The following LMO7 variants were observed in gnomAD, a reference collection of about 807,000 sequenced individuals.
The protein encoded by LMO7 is LIM domain only protein 7.
Under a neutral mutation model 206.5 loss-of-function variants are expected in LMO7, and 120 were observed. The ratio of observed to expected loss-of-function variants is 0.58; its 90% CI spans 0.50 to 0.68. The LOEUF is 0.68. Among genes scored for constraint, LMO7 ranks in the 30% least tolerant of loss-of-function variants. LMO7 has a pLI of 0.00. For synonymous variants in LMO7, 706 were observed against 681.5 expected, an observed-to-expected ratio of 1.04 and a Z score of -0.56; for missense variants, 1,959 against 1,957.9, an observed-to-expected ratio of 1.00 and a Z score of -0.01.
intron 3 of LMO7, among the ~76,000 whole-genome samples, chr13:75,735,628 ATT>A (rs1163734759): frequency 1.4e-5 from 2 of 139,192 alleles, no homozygotes; most frequent in South Asian, 2.3e-4. Flanking sequence ...CACGCAGCTA[ATT>A]TTTTTTTTTT....
upstream of LMO7, among the ~76,000 whole-genome samples, chr13:75,632,862 G>GTTGTTTTTTTTTTTTTTTTTTTTTT (rs2099197047): frequency 2.0e-5 from 2 of 102,138 alleles, no homozygotes; most frequent in South Asian, 7.3e-4. Flanking sequence ...TTACTTAAAA[G>GTTGTTTTTTTTTTTTTTTTTTTTTT]TTTTTTTTTT....
chr13:75,773,722 A>C (rs73227970), intron 4 of LMO7, among the ~76,000 whole-genome samples: 2,242 of 152,278 alleles, frequency 0.015, 17 homozygotes, highest in Middle Eastern at 0.041. Flanking sequence ...ATTGTGTTGG[A>C]TGTGACAGTA....
intron 2 of LMO7, among the ~76,000 whole-genome samples, chr13:75,718,200 G>T (rs911540974): frequency 3.9e-5 from 6 of 152,182 alleles, no homozygotes; most frequent in Admixed American, 1.3e-4. Flanking sequence ...TTCAAAGAAA[G>T]AGTATGTCAA....
chr13:75,621,685 A>G (rs2033321340), exon 1 of LMO7: 1 of 1,553,814 alleles, frequency 6.4e-7, no homozygotes, highest in African/African-American at 1.4e-5. Flanking sequence ...TTTTTTTATT[A>G]CAACTGCTAT....
chr13:75,656,527 TTTTCTC>T (rs1161216512), intron 1 of LMO7, among the ~76,000 whole-genome samples: 1 of 152,228 alleles, frequency 6.6e-6, no homozygotes, highest in Non-Finnish European at 1.5e-5. Context: ...GACTGTAACA[TTTTCTC>T]TTAAGTTATG....
chr13:75,719,126 C>T (rs929118973), intron 2 of LMO7, among the ~76,000 whole-genome samples: 17 of 151,874 alleles, frequency 1.1e-4, no homozygotes, highest in African/African-American at 2.2e-4. Context: ...ACTACAGGCA[C>T]GCACCACCAC....
intron 1 of LMO7, among the ~76,000 whole-genome samples, chr13:75,693,761 C>T (rs952208284): frequency 3.3e-5 from 5 of 152,204 alleles, no homozygotes; most frequent in East Asian, 1.9e-4. Context: ...TGCATGTGGC[C>T]GAGGAGCATG....
At chr13:75,648,129 G>A (rs2037221853) in intron 1 of LMO7, among the ~76,000 whole-genome samples, 1 of 151,340 alleles carries the variant, frequency 6.6e-6, no homozygotes, top group Admixed American at 6.6e-5. Flanking sequence ...AAATTTTTTT[G>A]TAGAGACAGG....
chr13:75,744,676 C>T (rs1055342306), intron 3 of LMO7, among the ~76,000 whole-genome samples: 2 of 152,178 alleles, frequency 1.3e-5, no homozygotes, highest in Non-Finnish European at 2.9e-5. Flanking sequence ...ATCTTAGGCC[C>T]ATGACTGTGC....
At chr13:75,812,123 C>T (rs938449706) in intron 11 of LMO7, among the ~76,000 whole-genome samples, 1 of 150,442 alleles carries the variant, frequency 6.6e-6, no homozygotes, top group African/African-American at 2.5e-5. Context: ...GTGTGTGCTA[C>T]TGGCAACTAG....
chr13:75,736,147 T>C (rs1285462644), intron 3 of LMO7, among the ~76,000 whole-genome samples: 1 of 152,252 alleles, frequency 6.6e-6, no homozygotes, highest in African/African-American at 2.4e-5. Context: ...ATTTCAAGCT[T>C]CAGAAATTCT....
chr13:75,672,273 C>A lies in LMO7; in HGVS notation c.69+35547C>A, dbSNP rs1464636651. Among the ~76,000 whole-genome samples the A allele has an allele frequency of 3.0e-5, 4 of 133,822 alleles. No homozygotes were observed. The South Asian group carries it at 7.0e-4, about 23-fold the overall frequency. 87.8% of individuals were successfully genotyped at this position (133,822 alleles called of 152,430 possible). On this transcript the variant is annotated intron_variant, in intron 1 of 30. Transcript: ENST00000377534. ...TTTTTTTTTTTGAGATGGAGTTTTGCTCTTGTTGCCCAGGCTGGAGTGCAA... is the reference window on the plus strand; with the variant it reads ...TTTTTTTTTTTGAGATGGAGTTTTGATCTTGTTGCCCAGGCTGGAGTGCAA...
intron 1 of LMO7, among the ~76,000 whole-genome samples, chr13:75,662,052 C>G (rs920068305): frequency 6.6e-6 from 1 of 152,140 alleles, no homozygotes; most frequent in Non-Finnish European, 1.5e-5. Context: ...AACTGAGAAG[C>G]TACTCACCCT....
chr13:75,646,851 C>T (rs2037070975), intron 1 of LMO7, among the ~76,000 whole-genome samples: 1 of 152,198 alleles, frequency 6.6e-6, no homozygotes, highest in South Asian at 2.1e-4. Flanking sequence ...TCCCAAAGTG[C>T]TGGGATTACA....
intron 2 of LMO7, 151 bp from the exon 3 acceptor site, chr13:75,726,878 A>G: frequency 3.1e-6 from 2 of 638,146 alleles, no homozygotes; most frequent in Admixed American, 5.5e-5. Context: ...TCTAGACTTG[A>G]TATCTTGGTT....
intron 1 of LMO7, among the ~76,000 whole-genome samples, chr13:75,651,597 G>A (rs1342616192): frequency 6.6e-6 from 1 of 152,146 alleles, no homozygotes; most frequent in African/African-American, 2.4e-5. Flanking sequence ...CAAAGTGCTG[G>A]GATTACAGGC....
At chr13:75,732,020 G>A (rs1426258403) in intron 3 of LMO7, among the ~76,000 whole-genome samples, 1 of 152,060 alleles carries the variant, frequency 6.6e-6, no homozygotes, top group African/African-American at 2.4e-5. Flanking sequence ...GTTTCCCTTT[G>A]TGGGTAACCC....
At position 75,829,029 on chromosome 13, in the gene LMO7, G is replaced by A. The variant is rs1030827971; in HGVS notation, c.2950-4022G>A. 3.9e-5 allele frequency among the ~76,000 whole-genome samples: 6 copies of A among 152,124 alleles called. No homozygotes were observed. The East Asian group carries it at 5.8e-4, about 15-fold the overall frequency. On this transcript the variant is annotated intron_variant, in intron 15 of 30. Coordinates refer to ENST00000377534, the MANE Select transcript of LMO7 (RefSeq NM_001306080.2). ...TTAACCAAAATATGAAAAACAAGAG[G>A]TGGAAGAACAGGTTTGGGCGGAAGA...
chr13:75,848,166 C>T (rs1162907246), intron 26 of LMO7, among the ~76,000 whole-genome samples: 1 of 152,072 alleles, frequency 6.6e-6, no homozygotes, highest in Non-Finnish European at 1.5e-5. Flanking sequence ...ACCCATCTCT[C>T]GAGAAGTATA....
Sources: gnomAD v4.1 joint callset for allele counts (sites outside exome capture counted in the v4.1 genomes callset) on GRCh38, gnomAD v4.1.1 for gene constraint, MANE v1.5 for transcripts, NCBI Gene and HGNC (gene_info 2026-07-23, HGNC 2026-07-21) for gene names.